The following ITPR1 variants were observed in gnomAD, a reference collection of about 807,000 sequenced individuals.
ITPR1 encodes the protein inositol 1,4,5-trisphosphate-gated calcium channel ITPR1.
Under a neutral mutation model 318.4 loss-of-function variants are expected in ITPR1, and 96 were observed. That is an observed-to-expected ratio of 0.30 (90% CI 0.26 to 0.36). The LOEUF is 0.36. Among genes scored for constraint, ITPR1 ranks in the 10% least tolerant of loss-of-function variants. The pLI is 1.00. For missense variants in ITPR1, 2,440 were observed against 3,460.2 expected (o/e 0.71, Z 7.40); for synonymous variants, 1,312 against 1,289.9 (o/e 1.02, Z -0.37).
intron 4 of ITPR1, among the ~76,000 whole-genome samples, chr3:4,588,354 A>T (rs781046996): frequency 1.8e-4 from 27 of 149,586 alleles, no homozygotes; most frequent in African/African-American, 5.4e-4. Flanking sequence ...TTTTTTTTTT[A>T]AAGCCTGTTA....
chr3:4,524,054 C>T (rs1043252307), intron 4 of ITPR1, among the ~76,000 whole-genome samples: 1 of 152,162 alleles, frequency 6.6e-6, no homozygotes, highest in Non-Finnish European at 1.5e-5. Flanking sequence ...TGAGATGCTT[C>T]GTCCTTGTGG....
At chr3:4,678,316 T>G (rs1304819877) in intron 24 of ITPR1, among the ~76,000 whole-genome samples, 1 of 152,226 alleles carries the variant, frequency 6.6e-6, no homozygotes, top group East Asian at 1.9e-4. Context: ...TTTCAATTTT[T>G]TTTGTCGAGA....
intron 44 of ITPR1, among the ~76,000 whole-genome samples, chr3:4,745,984 G>T (rs745760210): frequency 1.9e-4 from 29 of 152,186 alleles, no homozygotes; most frequent in Middle Eastern, 3.2e-3. Context: ...TTTAACCATT[G>T]TTAGGACTTA....
At chr3:4,630,973 A>G (rs188653277) in intron 5 of ITPR1, among the ~76,000 whole-genome samples, 20 of 152,322 alleles carry the variant, frequency 1.3e-4, no homozygotes, top group African/African-American at 4.3e-4. Flanking sequence ...TGGTGTGGCG[A>G]CTAACATTAA....
At chr3:4,567,293 C>A (rs2087402937) in intron 4 of ITPR1, among the ~76,000 whole-genome samples, 1 of 152,232 alleles carries the variant, frequency 6.6e-6, no homozygotes, top group Non-Finnish European at 1.5e-5. Context: ...ATTCCTGTAG[C>A]ACTAGTGATC....
chr3:4,506,551 T>C (rs999697969), intron 2 of ITPR1, among the ~76,000 whole-genome samples: 7 of 152,226 alleles, frequency 4.6e-5, no homozygotes, highest in African/African-American at 1.7e-4. Context: ...TTGCTTGTTT[T>C]ATCTGTTTGT....
chr3:4,671,069 T>G (rs2094068057), intron 20 of ITPR1, 143 bp downstream of exon 20: 1 of 630,010 alleles, frequency 1.6e-6, no homozygotes, highest in Admixed American at 3.3e-5. Context: ...GATGTGTGTT[T>G]TAGGAGTTTG....
chr3:4,638,874 G>A (rs1210333434), intron 5 of ITPR1, among the ~76,000 whole-genome samples: 1 of 152,144 alleles, frequency 6.6e-6, no homozygotes, highest in Non-Finnish European at 1.5e-5. Flanking sequence ...ACCGTGCAGT[G>A]GAGTTCATGT....
At chr3:4,700,056 A>G (rs1559725145) in intron 35 of ITPR1, 115 bp downstream of exon 35, 1 of 858,274 alleles carries the variant, frequency 1.2e-6, no homozygotes. Flanking sequence ...GCATTAATAC[A>G]AGATATATTT....
At chr3:4,694,663 C>T (rs1013523923) in intron 33 of ITPR1, among the ~76,000 whole-genome samples, 2 of 152,016 alleles carry the variant, frequency 1.3e-5, no homozygotes, top group Admixed American at 6.6e-5. Flanking sequence ...GTCTCAGTAC[C>T]GAAGGCAATT....
intron 2 of ITPR1, among the ~76,000 whole-genome samples, chr3:4,513,071 G>T (rs1350374387): frequency 6.6e-6 from 1 of 152,162 alleles, no homozygotes; most frequent in East Asian, 1.9e-4. Context: ...GGAGCCCTGA[G>T]TGCAGCTGCT....
At position 4,644,201 on chromosome 3, in the gene ITPR1, C is replaced by T. The variant is rs760188389; in HGVS notation, c.591C>T (p.Ser197=). Residue 197 remains serine (S), a synonymous_variant, in exon 8 of 62, where the codon AGC becomes AGT. Transcript: ENST00000649015. The part of the protein sequence containing the change: ...VNAGQPLHAS[S]HQLVDNPGCN... ...CTGGTCAGCCCCTACATGCTAGCAGCCATCAACTGGTAGATAACCCAGGCT... is the reference window on the plus strand; with the variant it reads ...CTGGTCAGCCCCTACATGCTAGCAGTCATCAACTGGTAGATAACCCAGGCT... The T allele has an allele frequency of 1.9e-6, 3 of 1,610,228 alleles. No individual in the cohort carries two copies. The highest frequency in any genetic ancestry group is 2.5e-6 in the Non-Finnish European group (3 of 1,178,216).
At chr3:4,838,130 CTG>C (rs2051066030) in intron 61 of ITPR1, among the ~76,000 whole-genome samples, 1 of 152,252 alleles carries the variant, frequency 6.6e-6, no homozygotes, top group East Asian at 1.9e-4. Context: ...TTATTCCAAA[CTG>C]TGCCCTGAGA....
chr3:4,645,540 T>A (rs759387472), intron 9 of ITPR1, 42 bp from the exon 10 acceptor site: 11 of 1,608,902 alleles, frequency 6.8e-6, no homozygotes, highest in Non-Finnish European at 8.5e-6. Flanking sequence ...ATTCTCTTTT[T>A]AAATTCTTTT....
intron 39 of ITPR1, 113 bp downstream of exon 39, chr3:4,711,981 T>A (rs1319634027): frequency 3.8e-6 from 2 of 523,356 alleles, no homozygotes; most frequent in South Asian, 3.6e-5. Flanking sequence ...TAGCTTTTTT[T>A]AAAAGAAAGA....
intron 20 of ITPR1, among the ~76,000 whole-genome samples, chr3:4,672,911 C>T (rs752819479): frequency 1.3e-5 from 2 of 152,168 alleles, no homozygotes; most frequent in Non-Finnish European, 2.9e-5. Context: ...ACATGTGTTC[C>T]TGTTGGCTGT....
chr3:4,532,385 G>C (rs1205062469), intron 4 of ITPR1, among the ~76,000 whole-genome samples: 2 of 152,004 alleles, frequency 1.3e-5, no homozygotes, highest in African/African-American at 4.8e-5. Context: ...TATTTTTTGA[G>C]ATAGGGTCTT....
At chr3:4,601,862 A>G (rs886663864) in intron 4 of ITPR1, among the ~76,000 whole-genome samples, 1 of 152,238 alleles carries the variant, frequency 6.6e-6, no homozygotes, top group Non-Finnish European at 1.5e-5. Context: ...GTAAAAGACA[A>G]ATAGCCCAAT....
rs1574941449 is a variant in ITPR1, at chr3:4,704,859, G to A, written c.4658-1308G>A. Among the ~76,000 whole-genome samples, 4 of 152,224 alleles carry A rather than the reference G, an allele frequency of 2.6e-5. No homozygotes were observed. The South Asian group carries it at 6.2e-4, about 24-fold the overall frequency. The stretch of plus-strand genomic sequence containing the variant: ...ACACCCAGAACCCACTGTGTTAGTT[G>A]TTTAGCTTATGAATATCCAAGGCAT... On this transcript the variant is annotated intron_variant, in intron 36 of 61. Coordinates refer to ENST00000649015, the MANE Select transcript of ITPR1 (RefSeq NM_001378452.1).
Sources: allele counts gnomAD v4.1 joint callset (sites outside exome capture counted in the v4.1 genomes callset), GRCh38; gene constraint gnomAD v4.1.1; transcripts MANE v1.5; gene names NCBI Gene and HGNC (gene_info 2026-07-23, HGNC 2026-07-21).